Variants in CACNA2D4 observed in about 807,000 individuals in gnomAD.
CACNA2D4 encodes the protein voltage-dependent calcium channel subunit alpha-2/delta-4.
A neutral mutation model predicts 163.8 loss-of-function variants in CACNA2D4; 157 were observed. The ratio of observed to expected loss-of-function variants is 0.96; its 90% CI spans 0.84 to 1.09. CACNA2D4 has a LOEUF of 1.09. Ranked by LOEUF, CACNA2D4 falls within the 50% of genes least tolerant of loss-of-function variation. The pLI, the probability that CACNA2D4 is intolerant of heterozygous loss-of-function variation, is 0.00. For synonymous variants in CACNA2D4, 598 were observed against 586.9 expected (o/e 1.02, Z -0.27); for missense variants, 1,410 against 1,479.9 (o/e 0.95, Z 0.78).
At chr12:1,795,255 G>A (rs1010076792) in intron 37 of CACNA2D4, 44 bp downstream of exon 37, 1 of 1,562,978 alleles carries the variant, frequency 6.4e-7, no homozygotes, top group African/African-American at 1.4e-5. Context: ...CAGAGGGTTT[G>A]GGGATGAAAA....
intron 35 of CACNA2D4, 30 bp downstream of exon 35, chr12:1,797,388 G>A: frequency 6.9e-7 from 1 of 1,449,030 alleles, no homozygotes; most frequent in Non-Finnish European, 9.4e-7. Context: ...GGAGTGTGGC[G>A]GGACGGGCGG....
At chr12:1,827,794 A>C in intron 26 of CACNA2D4, 1 of 266,728 alleles carries the variant, frequency 3.7e-6, no homozygotes, top group East Asian at 6.4e-5. Context: ...TCGGGAGGCA[A>C]CAAGAAGGCA....
At position 1,853,972 on chromosome 12, in the gene CACNA2D4, G is replaced by A. The variant is rs761969045; in HGVS notation, c.2225C>T (p.Ala742Val). ...VTAPMEAYWT[A>V]LALNMSEESE... ...CTACTCGGACATGTTGAGGGCCAGC[G>A]CTGTCCAGTAGGCTTCCATGGGGGC... The change falls in exon 23 of 38, where the codon GCG (alanine) becomes GTG (valine). Residue 742 changes from alanine to valine, a missense_variant. Transcript: ENST00000382722. The A allele has an allele frequency of 2.6e-5, 42 of 1,613,150 alleles. No homozygotes were observed. Among genetic ancestry groups the A allele is most frequent in the East Asian group, 1.8e-4 (8 of 44,864 alleles).
At chr12:1,861,570 G>A (rs1284889623) in intron 18 of CACNA2D4, among the ~76,000 whole-genome samples, 3 of 151,858 alleles carry the variant, frequency 2.0e-5, no homozygotes, top group African/African-American at 4.8e-5. Flanking sequence ...AGCCCCCAGA[G>A]TAGCTGGGAT....
At chr12:1,907,712 TG>T in intron 5 of CACNA2D4, 141 bp from the exon 6 acceptor site, 1 of 1,182,080 alleles carries the variant, frequency 8.5e-7, no homozygotes, top group Non-Finnish European at 1.2e-6. Flanking sequence ...TGGGCGTGTC[TG>T]GTGGACGGCC....
intron 18 of CACNA2D4, among the ~76,000 whole-genome samples, chr12:1,863,920 C>T (rs1314259848): frequency 1.3e-5 from 2 of 152,038 alleles, no homozygotes; most frequent in Non-Finnish European, 2.9e-5. Context: ...ATAATAACAC[C>T]CATTTTCATA....
chr12:1,826,185 A>G (rs1037689579), intron 26 of CACNA2D4, among the ~76,000 whole-genome samples: 43 of 152,080 alleles, frequency 2.8e-4, no homozygotes, highest in Admixed American at 4.6e-4. Flanking sequence ...TCACGCCTGT[A>G]CTGGGCTCAA....
chr12:1,849,962 C>G (rs1276424478), intron 23 of CACNA2D4, among the ~76,000 whole-genome samples: 1 of 152,106 alleles, frequency 6.6e-6, no homozygotes, highest in Admixed American at 6.5e-5. Context: ...ATTTATGTAA[C>G]TAGGCTCCCA....
intron 13 of CACNA2D4, 22 bp from the exon 14 acceptor site, chr12:1,879,903 G>T: frequency 6.4e-7 from 1 of 1,568,606 alleles, no homozygotes; most frequent in East Asian, 2.3e-5. Flanking sequence ...GGGAGAACAG[G>T]GGTCAGAAGG....
At position 1,917,783 on chromosome 12, in the gene CACNA2D4, A is replaced by C. The variant is rs1469978841; in HGVS notation, c.227+464T>G. On this transcript the variant is annotated intron_variant, in intron 1 of 37. Transcript: ENST00000382722. This position sits in a 1 kb window ranked among gnomAD's most constrained non-coding sequence, Gnocchi z 4.3. ...CCTGGACAAGCCACCTCCTGTGCGC[A>C]TGAGACGTTCTGTGGGTTCAGAACT... Among the ~76,000 whole-genome samples, 1 of 152,218 alleles carries C rather than the reference A, an allele frequency of 6.6e-6. No homozygotes were observed. Among genetic ancestry groups the C allele is most frequent in the African/African-American group, 2.4e-5 (1 of 41,448 alleles).
intron 26 of CACNA2D4, among the ~76,000 whole-genome samples, chr12:1,830,489 T>C (rs1464073261): frequency 6.6e-6 from 1 of 152,192 alleles, no homozygotes; most frequent in Admixed American, 6.5e-5. Flanking sequence ...GTCCCAGCAG[T>C]GACACTGGGA....
chr12:1,800,477 C>T (rs777771263), intron 31 of CACNA2D4, 39 bp from the exon 32 acceptor site: 5 of 1,605,474 alleles, frequency 3.1e-6, no homozygotes, highest in Non-Finnish European at 4.3e-6. Flanking sequence ...CACCTAGGTC[C>T]AAGGGTGAGG....
At position 1,801,658 on chromosome 12, in the gene CACNA2D4, A is replaced by C; in HGVS notation, c.2722-14T>G. The C allele has an allele frequency of 6.4e-7, 1 of 1,561,590 alleles. No individual in the cohort carries two copies. On this transcript the variant is annotated splice_polypyrimidine_tract_variant and intron_variant, in intron 29 of 37. Coordinates refer to ENST00000382722, the MANE Select transcript of CACNA2D4 (RefSeq NM_172364.5). ...AAATCTTCCCGTCTGTGAGAGAGGG[A>C]CAGCAGAGAGAGAGGGAGGGAGAGA...
rs2906892 is a variant in CACNA2D4 at position 1,886,456 on chromosome 12, G to C, written c.843-83C>G. On this transcript the variant is annotated intron_variant, in intron 7 of 37. Transcript: ENST00000382722. Reference sequence around the variant, plus strand: ...GACCAAGGGGTCTGCAGTTATTTCTGTTCAGATGCTGGCTCGAGCCCACCC... The same window carrying C: ...GACCAAGGGGTCTGCAGTTATTTCTCTTCAGATGCTGGCTCGAGCCCACCC... The C allele has an allele frequency of 0.9, 1,198,599 of 1,336,800 alleles. 537,996 individuals carry two copies. The highest frequency in any genetic ancestry group is 1 in the East Asian group (41,716 of 41,732). The allele number at this position is 1,336,800 out of a possible 1,614,324, so 82.8% of individuals were successfully genotyped here. A position where few individuals can be genotyped will look rare whatever the true frequency, so the allele number is the denominator to read the frequency against.
chr12:1,843,926 G>C lies in CACNA2D4; in HGVS notation c.2470+476C>G, dbSNP rs137901010. 0.01 allele frequency among the ~76,000 whole-genome samples: 1,544 copies of C among 152,248 alleles called. 23 individuals are homozygous for C. The highest frequency in any genetic ancestry group is 0.04 in the South Asian group (191 of 4,822). On this transcript the variant is annotated intron_variant, in intron 25 of 37. Coordinates refer to ENST00000382722, the MANE Select transcript of CACNA2D4 (RefSeq NM_172364.5). This position sits in a 1 kb window ranked among gnomAD's most constrained non-coding sequence, Gnocchi z 4.6. ...CTGGGAGCTCCCTGAGGCTGGTCCT[G>C]GGTGGTCCTGGGTAACTGGGGACGG... is the stretch of plus-strand genomic sequence containing the variant.
At chr12:1,855,123 C>T (rs1865370880) in intron 22 of CACNA2D4, among the ~76,000 whole-genome samples, 1 of 152,144 alleles carries the variant, frequency 6.6e-6, no homozygotes, top group African/African-American at 2.4e-5. Flanking sequence ...TTTATAACAA[C>T]CTATATCTAT....
intron 6 of CACNA2D4, among the ~76,000 whole-genome samples, chr12:1,889,436 C>T (rs769606494): frequency 1.3e-5 from 2 of 152,104 alleles, no homozygotes; most frequent in Non-Finnish European, 2.9e-5. Flanking sequence ...GAGATGGAAG[C>T]ACAAAAGTTC....
At chr12:1,872,943 C>T (rs1470891440) in intron 18 of CACNA2D4, among the ~76,000 whole-genome samples, 3 of 152,128 alleles carry the variant, frequency 2.0e-5, no homozygotes, top group Non-Finnish European at 4.4e-5. Context: ...GCCAGTCCTA[C>T]AGAAAAGGCC....
chr12:1,796,180 G>T (rs1387135128), intron 35 of CACNA2D4, among the ~76,000 whole-genome samples: 3 of 152,214 alleles, frequency 2.0e-5, no homozygotes, highest in African/African-American at 7.2e-5. Context: ...CAGCGCTGGA[G>T]CTTGGCCACC....
Sources: allele counts gnomAD v4.1 joint callset (sites outside exome capture counted in the v4.1 genomes callset), GRCh38; gene constraint gnomAD v4.1.1; non-coding constraint Gnocchi (gnomAD v3.1); transcripts MANE v1.5; gene names NCBI Gene and HGNC (gene_info 2026-07-23, HGNC 2026-07-21).